Variants in LTBP2 observed in about 807,000 individuals in gnomAD.
LTBP2 encodes latent-transforming growth factor beta-binding protein 2.
Under a neutral mutation model 210.6 loss-of-function variants are expected in LTBP2, and 103 were observed. The observed-to-expected ratio is 0.49, with a 90% CI of 0.42 to 0.58. LTBP2 has a LOEUF of 0.58. Among genes scored for constraint, LTBP2 ranks in the 20% least tolerant of loss-of-function variants. The pLI is 0.00. For missense variants in LTBP2, 2,313 were observed against 2,494.5 expected (o/e 0.93, Z 1.55); for synonymous variants, 1,007 against 1,015.0 (o/e 0.99, Z 0.15).
intron 8 of LTBP2, among the ~76,000 whole-genome samples, chr14:74,539,539 T>A: frequency 6.6e-6 from 1 of 152,080 alleles, no homozygotes; most frequent in East Asian, 1.9e-4. Flanking sequence ...AAACCCCGTC[T>A]CTACAAAAAA....
intron 3 of LTBP2, among the ~76,000 whole-genome samples, chr14:74,578,062 G>A (rs1238959810): frequency 6.6e-6 from 1 of 152,040 alleles, no homozygotes; most frequent in Non-Finnish European, 1.5e-5. Context: ...CCAGAGGGGA[G>A]GGTGGCAGCG....
chr14:74,501,716 G>T, intron 34 of LTBP2, 126 bp from the exon 35 acceptor site: 1 of 1,179,394 alleles, frequency 8.5e-7, no homozygotes, highest in Non-Finnish European at 1.2e-6. Flanking sequence ...GGGCAGAGAG[G>T]ATCATAAAAT....
intron 3 of LTBP2, among the ~76,000 whole-genome samples, chr14:74,566,578 T>C (rs973964187): frequency 6.6e-6 from 1 of 152,144 alleles, no homozygotes; most frequent in Non-Finnish European, 1.5e-5. Context: ...AGGCAGGCCC[T>C]TGGCTGCCAA....
chr14:74,598,241 C>T (rs1052784396), intron 2 of LTBP2, among the ~76,000 whole-genome samples: 1 of 152,172 alleles, frequency 6.6e-6, no homozygotes, highest in African/African-American at 2.4e-5. Context: ...CTCAAGGAAG[C>T]CAAGGAGGAG....
At chr14:74,541,161 T>C (rs1025258356) in intron 8 of LTBP2, among the ~76,000 whole-genome samples, 5 of 151,592 alleles carry the variant, frequency 3.3e-5, no homozygotes, top group Non-Finnish European at 1.5e-5. Flanking sequence ...CACTAGCTTT[T>C]GAGCTGAAAA....
In LTBP2 at chr14:74,506,750, G is replaced by A; in HGVS notation, c.3981C>T (p.Arg1327=). The change falls in exon 27 of 36, where the codon CGC becomes CGT. Residue 1327 remains arginine (R), a synonymous_variant. Transcript: ENST00000261978. ...GFCDNTDGSF[R]CLCDQGFEIS... ...TCTCGAAGCCCTGGTCACAGAGGCA[G>A]CGGAAGGAGCCATCAGTGTTGTCAC... 6.2e-7 allele frequency: 1 copy of A among 1,614,054 alleles called. No individual in the cohort carries two copies. Among genetic ancestry groups the A allele is most frequent in the Middle Eastern group, 1.6e-4 (1 of 6,062 alleles).
At position 74,498,764 on chromosome 14, in the gene LTBP2, C is replaced by T. The variant is rs1301188148; in HGVS notation, c.*2120G>A. On this transcript the variant is annotated 3_prime_UTR_variant, in exon 36 of 36. Transcript: ENST00000261978. Reference sequence around the variant, plus strand: ...GGCGGAGTGGCAAGGATGAGGTGAACAGACAACCGCTTCTCTTTCCCCATT... The same window carrying T: ...GGCGGAGTGGCAAGGATGAGGTGAATAGACAACCGCTTCTCTTTCCCCATT... 6 of 231,352 alleles carry T rather than the reference C, an allele frequency of 2.6e-5. No homozygotes were observed. Among genetic ancestry groups the T allele is most frequent in the South Asian group, 1.8e-4 (1 of 5,516 alleles). 14.3% of individuals were successfully genotyped at this position (231,352 alleles called of 1,614,324 possible). A position where few individuals can be genotyped will look rare whatever the true frequency, so the allele number is the denominator to read the frequency against.
At chr14:74,532,193 C>T (rs901943971) in intron 10 of LTBP2, among the ~76,000 whole-genome samples, 9 of 152,174 alleles carry the variant, frequency 5.9e-5, no homozygotes, top group African/African-American at 1.9e-4. Context: ...TGCAAAGGCC[C>T]GGAAAAAATG....
intron 19 of LTBP2, 74 bp from the exon 20 acceptor site, chr14:74,510,287 A>C: frequency 6.3e-7 from 1 of 1,596,226 alleles, no homozygotes; most frequent in South Asian, 1.1e-5. Context: ...GGCTCCAAGC[A>C]TCTCAGTTAT....
intron 26 of LTBP2, 62 bp from the exon 27 acceptor site, chr14:74,506,885 G>A (rs957029942): frequency 5.2e-5 from 82 of 1,589,938 alleles, no homozygotes; most frequent in Middle Eastern, 1.7e-4. Flanking sequence ...GTGTGCGCGC[G>A]CGCGTGTGTG....
At chr14:74,516,005 A>G (rs866854129) in intron 18 of LTBP2, among the ~76,000 whole-genome samples, 3 of 152,076 alleles carry the variant, frequency 2.0e-5, no homozygotes, top group African/African-American at 7.3e-5. Context: ...CAAAGTACAC[A>G]AGCTCTTCTC....
chr14:74,531,734 G>T (rs902230773), intron 10 of LTBP2, among the ~76,000 whole-genome samples: 10 of 152,212 alleles, frequency 6.6e-5, no homozygotes, highest in Non-Finnish European at 1.2e-4. Context: ...GGCCAGTTGG[G>T]ACTGGTTTTA....
chr14:74,532,290 G>A, intron 10 of LTBP2, 136 bp downstream of exon 10: 1 of 1,225,066 alleles, frequency 8.2e-7, no homozygotes, highest in Non-Finnish European at 1.2e-6. Flanking sequence ...ACTCCAGGTT[G>A]AATAGCCGAC....
chr14:74,607,561 T>C (rs2088543032), intron 1 of LTBP2, among the ~76,000 whole-genome samples: 1 of 152,184 alleles, frequency 6.6e-6, no homozygotes, highest in South Asian at 2.1e-4. Flanking sequence ...GGATAAACTG[T>C]GGTAATATTC....
At chr14:74,506,852 G>T (rs2086994001) in intron 26 of LTBP2, 29 bp from the exon 27 acceptor site, 1 of 1,590,508 alleles carries the variant, frequency 6.3e-7, no homozygotes, top group East Asian at 2.3e-5. Context: ...CAGGATAGAG[G>T]ATGTGTGTGT....
chr14:74,572,024 C>A (rs2087985903), intron 3 of LTBP2, among the ~76,000 whole-genome samples: 1 of 151,496 alleles, frequency 6.6e-6, no homozygotes, highest in African/African-American at 2.4e-5. Flanking sequence ...ATCACAGACA[C>A]AAAACCACAG....
At chr14:74,596,826 C>T (rs866427229) in intron 2 of LTBP2, among the ~76,000 whole-genome samples, 2 of 152,168 alleles carry the variant, frequency 1.3e-5, no homozygotes, top group Admixed American at 6.5e-5. Flanking sequence ...GTAAGACCTG[C>T]ACGGGGGAGT....
At chr14:74,601,751 G>A (rs896256168) in intron 2 of LTBP2, among the ~76,000 whole-genome samples, 171 of 152,288 alleles carry the variant, frequency 1.1e-3, no homozygotes, top group East Asian at 1.2e-3. Flanking sequence ...GGACAACCAC[G>A]TTATCATACG....
rs74925689 is a variant in LTBP2 at position 74,521,904 on chromosome 14, G to A, written c.2788+7C>T. On this transcript the variant is annotated splice_region_variant and intron_variant, in intron 17 of 35. Transcript: ENST00000261978. Reference sequence around the variant, plus strand: ...CCTGGCCAAGGGCAAGGGCGGGCTTGGCTTACCTTGACACTCCTGTGTCGC... The same window carrying A: ...CCTGGCCAAGGGCAAGGGCGGGCTTAGCTTACCTTGACACTCCTGTGTCGC... 6.2e-7 allele frequency: 1 copy of A among 1,614,004 alleles called. No homozygotes were observed. Among genetic ancestry groups the A allele is most frequent in the Non-Finnish European group, 8.5e-7 (1 of 1,179,982 alleles).
Sources: gnomAD v4.1 joint callset for allele counts (sites outside exome capture counted in the v4.1 genomes callset) on GRCh38, gnomAD v4.1.1 for gene constraint, MANE v1.5 for transcripts, NCBI Gene and HGNC (gene_info 2026-07-23, HGNC 2026-07-21) for gene names.